SRR: variants seen among roughly 807,000 people sequenced by gnomAD.
The protein encoded by SRR is serine racemase.
A neutral mutation model predicts 32.7 loss-of-function variants in SRR; 19 were observed. The observed-to-expected ratio is 0.58, with a 90% CI of 0.40 to 0.85. The LOEUF (loss-of-function observed/expected upper bound fraction) is 0.85. SRR is among the 40% of genes least tolerant of loss of function. The pLI, the probability that SRR is intolerant of heterozygous loss-of-function variation, is 0.00. For missense variants in SRR, 373 were observed against 404.7 expected, an observed-to-expected ratio of 0.92 and a Z score of 0.67; for synonymous variants, 142 against 140.9, an observed-to-expected ratio of 1.01 and a Z score of -0.06.
chr17:2,307,347 A>G lies in SRR; in HGVS notation c.-5+3330A>G, dbSNP rs1010171667. 3.0e-5 allele frequency: 32 copies of G among 1,059,836 alleles called. No individual in the cohort carries two copies. The African/African-American group carries it at 4.5e-4, about 15-fold the overall frequency. 65.7% of individuals were successfully genotyped at this position (1,059,836 alleles called of 1,614,324 possible). On this transcript the variant is annotated intron_variant, in intron 1 of 7. Coordinates refer to ENST00000344595, the MANE Select transcript of SRR (RefSeq NM_021947.3). ...GTGCTTCATCCAGCCAAAGAGGTCA[A>G]AGTACTTCTGGAAACTTTGGTGGTG...
chr17:2,310,609 C>T (rs2075426874), intron 1 of SRR, among the ~76,000 whole-genome samples: 1 of 151,900 alleles, frequency 6.6e-6, no homozygotes, highest in South Asian at 2.1e-4. Flanking sequence ...GACAGAGTCT[C>T]ACTCTGTCGC....
At chr17:2,314,529 G>A (rs1358608997) in intron 1 of SRR, among the ~76,000 whole-genome samples, 2 of 150,990 alleles carry the variant, frequency 1.3e-5, no homozygotes, top group Non-Finnish European at 2.9e-5. Context: ...CTTGCAGTGA[G>A]CCGAGATCGC....
At chr17:2,312,306 C>T (rs2075439072) in intron 1 of SRR, among the ~76,000 whole-genome samples, 3 of 151,842 alleles carry the variant, frequency 2.0e-5, no homozygotes, top group African/African-American at 7.3e-5. Flanking sequence ...ATTAAAACTA[C>T]TAGACATTGC....
chr17:2,313,939 T>C (rs2075451878), intron 1 of SRR, among the ~76,000 whole-genome samples: 1 of 152,222 alleles, frequency 6.6e-6, no homozygotes, highest in Non-Finnish European at 1.5e-5. Context: ...GTTCTTTTTG[T>C]ATCTCTGTAT....
rs763383117 is a variant in SRR at position 2,323,740 on chromosome 17, A to AT, written c.894dup (p.Gln299SerfsTer32). The AT allele has an allele frequency of 7.4e-6, 12 of 1,614,016 alleles. No individual in the cohort carries two copies. On this transcript the variant is annotated frameshift_variant, in exon 8 of 8. Coordinates refer to ENST00000344595, the MANE Select transcript of SRR (RefSeq NM_021947.3). LOFTEE classifies it high-confidence loss of function. ...GGAGTGGCTGCTGTGCTGTCTCAAC[A>AT]TTTTCAAACTGTTTCCCCAGAAGTA...
chr17:2,318,619 A>ATTTTTTTTTTTTTTTTTTTTTTTTTTTTT (rs35847724), intron 3 of SRR, among the ~76,000 whole-genome samples: 1 of 92,550 alleles, frequency 1.1e-5, no homozygotes, highest in African/African-American at 4.3e-5. Flanking sequence ...ATGCCTGGCT[A>ATTTTTTTTTTTTTTTTTTTTTTTTTTTTT]TTTTTTTTTT....
At chr17:2,315,070 C>G (rs1279338684) in intron 1 of SRR, among the ~76,000 whole-genome samples, 1 of 150,928 alleles carries the variant, frequency 6.6e-6, no homozygotes. Flanking sequence ...GGTGAAACCC[C>G]GTGTCTACTA....
intron 1 of SRR, among the ~76,000 whole-genome samples, chr17:2,311,186 G>C (rs1009051998): frequency 1.3e-5 from 2 of 151,696 alleles, no homozygotes; most frequent in Non-Finnish European, 2.9e-5. Context: ...ACCACGCCCA[G>C]CCAACTATTT....
chr17:2,321,576 G>A lies in SRR; in HGVS notation c.554G>A (p.Gly185Asp). The A allele has an allele frequency of 1.9e-6, 3 of 1,614,116 alleles. No homozygotes were observed. The highest frequency in any genetic ancestry group is 1.7e-6 in the Non-Finnish European group (2 of 1,180,018). ...PLVDALVVPVGGGGMLAGIAI... is the reference protein window; with the variant it reads ...PLVDALVVPVDGGGMLAGIAI... ...GTGGATGCACTGGTGGTACCTGTAG[G>A]TGGAGGAGGAATGCTTGCTGGAATA... Residue 185 changes from glycine (G) to aspartate (D), a missense_variant, in exon 6 of 8, where the codon GGT becomes GAT. Physicochemically the swap from Gly to Asp is moderately conservative, Grantham distance 94. Coordinates refer to ENST00000344595, the MANE Select transcript of SRR (RefSeq NM_021947.3).
chr17:2,323,058 C>T, intron 6 of SRR, 78 bp from the exon 7 acceptor site: 1 of 1,463,108 alleles, frequency 6.8e-7, no homozygotes, highest in Non-Finnish European at 9.5e-7. Flanking sequence ...AGCCACCACA[C>T]CAGGCCCATA....
chr17:2,309,398 A>T (rs769310117), intron 1 of SRR, among the ~76,000 whole-genome samples: 15 of 151,072 alleles, frequency 9.9e-5, no homozygotes, highest in Non-Finnish European at 2.1e-4. Context: ...AATGCCCCTT[A>T]CTCCCACTCA....
At chr17:2,314,948 TA>T (rs1329594640) in intron 1 of SRR, among the ~76,000 whole-genome samples, 5 of 151,214 alleles carry the variant, frequency 3.3e-5, no homozygotes, top group African/African-American at 9.7e-5. Flanking sequence ...CAACGATGAT[TA>T]AAAGAAAGGT....
intron 4 of SRR, among the ~76,000 whole-genome samples, chr17:2,319,821 CTTTTTT>C (rs397701831): frequency 7.5e-6 from 1 of 133,388 alleles, no homozygotes; most frequent in East Asian, 2.2e-4. Context: ...CTTGTCTCTT[CTTTTTT>C]TTTTTTTTTG....
chr17:2,310,095 C>T (rs1197974816), intron 1 of SRR: 1 of 131,612 alleles, frequency 7.6e-6, no homozygotes, highest in African/African-American at 2.7e-5. Context: ...TTCATGGATT[C>T]CATGAGCTAG....
intron 1 of SRR, chr17:2,315,347 T>G: frequency 2.5e-6 from 1 of 398,990 alleles, no homozygotes; most frequent in South Asian, 5.2e-5. Flanking sequence ...GTAATCACCA[T>G]CAGTTACTTC....
chr17:2,324,900 T>C lies in SRR; in HGVS notation c.*1027T>C. The C allele has an allele frequency of 6.6e-7, 1 of 1,522,940 alleles. No homozygotes were observed. Among genetic ancestry groups the C allele is most frequent in the Non-Finnish European group, 8.8e-7 (1 of 1,141,372 alleles). 94.3% of individuals were successfully genotyped at this position (1,522,940 alleles called of 1,614,324 possible). A position where few individuals can be genotyped will look rare whatever the true frequency, so the allele number is the denominator to read the frequency against. On this transcript the variant is annotated 3_prime_UTR_variant, in exon 8 of 8. Coordinates refer to ENST00000344595, the MANE Select transcript of SRR (RefSeq NM_021947.3). ...AGTCTTCATTTATTGCCCAGTCCATTTAAAGACCCATGCAAGAGCCTGGTT... is the reference window on the plus strand; with the variant it reads ...AGTCTTCATTTATTGCCCAGTCCATCTAAAGACCCATGCAAGAGCCTGGTT...
In SRR at chr17:2,318,945, C is replaced by T. The variant is rs1343843879; in HGVS notation, c.399+16C>T. 3 of 1,543,386 alleles carry T rather than the reference C, an allele frequency of 1.9e-6. No homozygotes were observed. The Admixed American group carries it at 5.0e-5, about 26-fold the overall frequency. The stretch of plus-strand genomic sequence containing the variant: ...TAGTGATGAGGTAAGGAGAGCAGTG[C>T]TTGGTACCACCTTAACAGCTTTCAT... On this transcript the variant is annotated intron_variant, in intron 4 of 7. Transcript: ENST00000344595.
At chr17:2,317,840 A>G (rs753354530) in intron 2 of SRR, 30 bp from the exon 3 acceptor site, 1 of 1,600,798 alleles carries the variant, frequency 6.2e-7, no homozygotes, top group Non-Finnish European at 8.5e-7. Flanking sequence ...TTTTAATCAA[A>G]TATGTGAATT....
At chr17:2,306,537 C>T (rs1158247074) in intron 1 of SRR, among the ~76,000 whole-genome samples, 3 of 151,878 alleles carry the variant, frequency 2.0e-5, no homozygotes, top group Non-Finnish European at 4.4e-5. Context: ...GCCAACATGG[C>T]GAAACCCCGT....
Sources: allele counts gnomAD v4.1 joint callset (sites outside exome capture counted in the v4.1 genomes callset), GRCh38; gene constraint gnomAD v4.1.1; transcripts MANE v1.5; gene names NCBI Gene and HGNC (gene_info 2026-07-23, HGNC 2026-07-21).